Variants in RALGAPA2 observed in about 807,000 individuals in gnomAD.
The protein encoded by RALGAPA2 is ral GTPase-activating protein subunit alpha-2.
RALGAPA2 carries 139 observed loss-of-function variants against 230.4 expected under a neutral mutation model. The observed-to-expected ratio is 0.60, with a 90% confidence interval of 0.53 to 0.69. The LOEUF (loss-of-function observed/expected upper bound fraction) is 0.69. Ranked by LOEUF, RALGAPA2 falls within the 30% of genes least tolerant of loss-of-function variation. The pLI, the probability that RALGAPA2 is intolerant of heterozygous loss-of-function variation, is 0.00. For synonymous variants in RALGAPA2, 847 were observed against 837.8 expected, an observed-to-expected ratio of 1.01 and a Z score of -0.19; for missense variants, 2,163 against 2,276.0, an observed-to-expected ratio of 0.95 and a Z score of 1.01.
chr20:20,590,547 C>G (rs568867916), intron 17 of RALGAPA2, among the ~76,000 whole-genome samples: 10 of 152,082 alleles, frequency 6.6e-5, no homozygotes, highest in African/African-American at 2.4e-4. Context: ...TCCAATGATA[C>G]TAGACACACT....
intron 23 of RALGAPA2, among the ~76,000 whole-genome samples, chr20:20,567,315 C>G (rs1348653796): frequency 6.6e-6 from 1 of 152,104 alleles, no homozygotes; most frequent in African/African-American, 2.4e-5. Flanking sequence ...TCATGTCAAA[C>G]TATTTTGGGG....
At chr20:20,453,387 C>T (rs997831847) in intron 37 of RALGAPA2, among the ~76,000 whole-genome samples, 1 of 151,816 alleles carries the variant, frequency 6.6e-6, no homozygotes, top group Admixed American at 6.6e-5. Context: ...GATGAGACAG[C>T]GATAAGAAGG....
At chr20:20,617,386 T>A (rs1314018471) in intron 12 of RALGAPA2, among the ~76,000 whole-genome samples, 5 of 143,432 alleles carry the variant, frequency 3.5e-5, no homozygotes, top group African/African-American at 1.3e-4. Context: ...ATATAGTTGA[T>A]GATGATGATA....
chr20:20,430,219 G>A (rs2060473703), intron 37 of RALGAPA2, among the ~76,000 whole-genome samples: 1 of 152,218 alleles, frequency 6.6e-6, no homozygotes, highest in South Asian at 2.1e-4. Flanking sequence ...CCGGTCAGTG[G>A]AACCTAACAG....
At chr20:20,422,847 A>C (rs776986523) in intron 37 of RALGAPA2, among the ~76,000 whole-genome samples, 16 of 152,228 alleles carry the variant, frequency 1.1e-4, no homozygotes, top group Admixed American at 3.3e-4. Context: ...TTATATGGAA[A>C]GACAAGTGGA....
chr20:20,403,951 T>C (rs1394088084), intron 38 of RALGAPA2, among the ~76,000 whole-genome samples: 1 of 152,124 alleles, frequency 6.6e-6, no homozygotes, highest in African/African-American at 2.4e-5. Context: ...AGAAGACAGA[T>C]GCTGGGATGG....
chr20:20,684,523 T>C (rs2068633407), intron 1 of RALGAPA2, among the ~76,000 whole-genome samples: 1 of 152,182 alleles, frequency 6.6e-6, no homozygotes, highest in African/African-American at 2.4e-5. Flanking sequence ...ATCTTTCTTG[T>C]GGATAAGGCA....
intron 5 of RALGAPA2, 69 bp downstream of exon 5, chr20:20,643,437 C>T: frequency 7.3e-7 from 1 of 1,367,174 alleles, no homozygotes; most frequent in South Asian, 1.4e-5. Context: ...AATGCCCTAA[C>T]ATTGTTACTT....
intron 37 of RALGAPA2, among the ~76,000 whole-genome samples, chr20:20,436,533 C>A (rs1305833881): frequency 6.6e-6 from 1 of 152,130 alleles, no homozygotes; most frequent in African/African-American, 2.4e-5. Context: ...AGTAAGACGG[C>A]AAAGTGTCCC....
At chr20:20,599,785 C>T (rs573096889) in intron 16 of RALGAPA2, among the ~76,000 whole-genome samples, 6 of 152,160 alleles carry the variant, frequency 3.9e-5, no homozygotes, top group Admixed American at 6.5e-5. Context: ...CCAGCCTGAC[C>T]GACATGGTGA....
At chr20:20,524,709 C>CT in intron 29 of RALGAPA2, 121 bp downstream of exon 29, 1 of 1,284,496 alleles carries the variant, frequency 7.8e-7, no homozygotes, top group Non-Finnish European at 1.1e-6. Context: ...ACAAAAAAGA[C>CT]TGTTAAGGCC....
chr20:20,599,077 C>T (rs2065553369), intron 16 of RALGAPA2, among the ~76,000 whole-genome samples: 1 of 152,098 alleles, frequency 6.6e-6, no homozygotes, highest in African/African-American at 2.4e-5. Flanking sequence ...TATGTTTAGC[C>T]TTTCCTTCTT....
At chr20:20,440,402 A>G (rs918386550) in intron 37 of RALGAPA2, among the ~76,000 whole-genome samples, 2 of 152,162 alleles carry the variant, frequency 1.3e-5, no homozygotes. Flanking sequence ...TTTATTTTAA[A>G]TTTTTATGCT....
intron 27 of RALGAPA2, among the ~76,000 whole-genome samples, chr20:20,530,802 A>G (rs545608620): frequency 6.6e-6 from 1 of 152,174 alleles, no homozygotes; most frequent in Admixed American, 6.5e-5. Context: ...CCTGCACCTC[A>G]GTTCCTCCAC....
intron 20 of RALGAPA2, among the ~76,000 whole-genome samples, chr20:20,574,682 C>T (rs928990087): frequency 6.6e-6 from 1 of 152,162 alleles, no homozygotes; most frequent in Non-Finnish European, 1.5e-5. Flanking sequence ...TTTAACTGCA[C>T]ATTGTATTTT....
intron 13 of RALGAPA2, among the ~76,000 whole-genome samples, chr20:20,614,435 C>T (rs949614826): frequency 4.6e-5 from 7 of 152,120 alleles, no homozygotes; most frequent in African/African-American, 7.2e-5. Context: ...GTTGATAAAA[C>T]TATGGTATTC....
chr20:20,399,553 C>A (rs1049190651), intron 38 of RALGAPA2, among the ~76,000 whole-genome samples: 1 of 152,198 alleles, frequency 6.6e-6, no homozygotes, highest in Admixed American at 6.5e-5. Context: ...GGCTCAGACA[C>A]AGAGTTGAGC....
At chr20:20,444,540 C>A (rs1486208000) in intron 37 of RALGAPA2, among the ~76,000 whole-genome samples, 1 of 152,138 alleles carries the variant, frequency 6.6e-6, no homozygotes, top group African/African-American at 2.4e-5. Context: ...TATCAGCACC[C>A]CAATAAAAAA....
chr20:20,595,479 C>A (rs900618416), intron 16 of RALGAPA2, among the ~76,000 whole-genome samples: 1 of 152,162 alleles, frequency 6.6e-6, no homozygotes, highest in Non-Finnish European at 1.5e-5. Context: ...TAGAAGCACA[C>A]AAACCAGATG....
Sources: gnomAD v4.1 joint callset for allele counts (sites outside exome capture counted in the v4.1 genomes callset) on GRCh38, gnomAD v4.1.1 for gene constraint, MANE v1.5 for transcripts, NCBI Gene and HGNC (gene_info 2026-07-23, HGNC 2026-07-21) for gene names.